The following FNDC3A variants were observed in gnomAD, a reference collection of about 807,000 sequenced individuals.
FNDC3A encodes the protein fibronectin type-III domain-containing protein 3A.
Under a neutral mutation model 148.9 loss-of-function variants are expected in FNDC3A, and 32 were observed. The ratio of observed to expected loss-of-function variants is 0.21; its 90% CI spans 0.16 to 0.29. The LOEUF is 0.29. FNDC3A is among the 10% of genes least tolerant of loss of function. The pLI is 1.00. For synonymous variants in FNDC3A, 472 were observed against 473.6 expected (o/e 1.00, Z 0.04); for missense variants, 1,191 against 1,452.8 (o/e 0.82, Z 2.93).
At chr13:48,982,891 A>G (rs1951720480) in intron 1 of FNDC3A, among the ~76,000 whole-genome samples, 1 of 152,222 alleles carries the variant, frequency 6.6e-6, no homozygotes, top group African/African-American at 2.4e-5. Context: ...TAGTAATAAT[A>G]GTAGCTATCT....
chr13:49,057,341 G>A (rs1328743627), intron 2 of FNDC3A, among the ~76,000 whole-genome samples: 1 of 152,150 alleles, frequency 6.6e-6, no homozygotes, highest in African/African-American at 2.4e-5. Flanking sequence ...ACATATTAAT[G>A]TAAACTCACT....
At chr13:49,043,245 G>T (rs188081991) in intron 2 of FNDC3A, among the ~76,000 whole-genome samples, 2 of 151,924 alleles carry the variant, frequency 1.3e-5, no homozygotes, top group Non-Finnish European at 2.9e-5. Flanking sequence ...AATTACAGGC[G>T]TGAGCCACTG....
intron 8 of FNDC3A, among the ~76,000 whole-genome samples, chr13:49,148,260 G>T: frequency 6.6e-6 from 1 of 151,938 alleles, no homozygotes; most frequent in African/African-American, 2.4e-5. Flanking sequence ...CCTGTGCTTT[G>T]GGGGTCTTAG....
At chr13:49,185,905 T>A in intron 14 of FNDC3A, 59 bp from the exon 15 acceptor site, 1 of 1,335,158 alleles carries the variant, frequency 7.5e-7, no homozygotes, top group South Asian at 1.3e-5. Flanking sequence ...CTTTGTTTAT[T>A]AAGCCAGTAT....
chr13:49,191,521 A>G, intron 19 of FNDC3A, 137 bp downstream of exon 19: 1 of 600,694 alleles, frequency 1.7e-6, no homozygotes, highest in Non-Finnish European at 2.8e-6. Context: ...ACAAGCCTAC[A>G]TTGATAAATA....
At chr13:49,030,364 G>T (rs556048595) in intron 2 of FNDC3A, among the ~76,000 whole-genome samples, 1 of 151,996 alleles carries the variant, frequency 6.6e-6, no homozygotes, top group East Asian at 1.9e-4. Context: ...AGAAGGGAAC[G>T]TCCTCAACCT....
intron 2 of FNDC3A, chr13:49,044,846 T>G: frequency 2.8e-6 from 1 of 357,784 alleles, no homozygotes; most frequent in East Asian, 8.5e-5. Flanking sequence ...CTACTGGGGT[T>G]TGTGCAAGGT....
At chr13:49,185,893 C>A in intron 14 of FNDC3A, 71 bp from the exon 15 acceptor site, 2 of 1,212,752 alleles carry the variant, frequency 1.6e-6, no homozygotes, top group Non-Finnish European at 2.4e-6. Flanking sequence ...TGTCTCCTAT[C>A]ACTTTGTTTA....
chr13:49,176,280 T>C (rs548576600), intron 13 of FNDC3A, among the ~76,000 whole-genome samples: 2 of 152,350 alleles, frequency 1.3e-5, no homozygotes, highest in East Asian at 3.9e-4. Context: ...AGCTCCTCTT[T>C]GTACCTCTGG....
chr13:49,124,231 T>G (rs936835938), intron 4 of FNDC3A, among the ~76,000 whole-genome samples: 9 of 152,056 alleles, frequency 5.9e-5, no homozygotes, highest in African/African-American at 2.2e-4. Flanking sequence ...CTCAGCAGAT[T>G]AACACAGGAA....
At chr13:49,194,924 T>G (rs1886076223) in intron 19 of FNDC3A, among the ~76,000 whole-genome samples, 2 of 152,182 alleles carry the variant, frequency 1.3e-5, no homozygotes. Flanking sequence ...ATCTTCTGTT[T>G]ATAAAATGCA....
intron 1 of FNDC3A, among the ~76,000 whole-genome samples, chr13:48,997,780 A>G (rs1182818195): frequency 6.6e-6 from 1 of 152,200 alleles, no homozygotes; most frequent in African/African-American, 2.4e-5. Context: ...GCCTAAGTTC[A>G]GTAAGACGGT....
intron 2 of FNDC3A, among the ~76,000 whole-genome samples, chr13:49,070,461 A>G (rs1164242617): frequency 6.6e-6 from 1 of 152,234 alleles, no homozygotes; most frequent in East Asian, 1.9e-4. Context: ...TAAGGTTTTT[A>G]ATGTATTTTT....
At chr13:49,158,129 G>A (rs918077368) in intron 8 of FNDC3A, among the ~76,000 whole-genome samples, 21 of 152,300 alleles carry the variant, frequency 1.4e-4, no homozygotes, top group Non-Finnish European at 1.9e-4. Context: ...CCTCGCTGTC[G>A]CCTTGCAGTT....
At chr13:49,067,130 T>G (rs915193517) in intron 2 of FNDC3A, among the ~76,000 whole-genome samples, 3 of 152,192 alleles carry the variant, frequency 2.0e-5, no homozygotes, top group African/African-American at 7.2e-5. Context: ...AATTGGCTAT[T>G]CTACTAAAAG....
intron 2 of FNDC3A, among the ~76,000 whole-genome samples, chr13:49,052,534 G>A (rs1181229658): frequency 1.3e-5 from 2 of 152,212 alleles, no homozygotes; most frequent in Admixed American, 1.3e-4. Context: ...TCCATCTTCA[G>A]ATCTTGCAGC....
At chr13:48,976,612 G>T (rs1319141092) in intron 1 of FNDC3A, 1 of 152,338 alleles carries the variant, frequency 6.6e-6, no homozygotes, top group Non-Finnish European at 1.5e-5. Context: ...GGGGGCTGGG[G>T]CGGAATCCTC....
chr13:49,165,142 A>G (rs533305083), intron 8 of FNDC3A, among the ~76,000 whole-genome samples: 122 of 152,234 alleles, frequency 8.0e-4, no homozygotes, highest in Non-Finnish European at 1.5e-3. Flanking sequence ...TCACTATTTC[A>G]AATTTATAAT....
intron 2 of FNDC3A, among the ~76,000 whole-genome samples, chr13:49,015,812 A>G (rs2137626011): frequency 6.6e-6 from 1 of 151,784 alleles, no homozygotes; most frequent in African/African-American, 2.4e-5. Context: ...TTTAGCATGA[A>G]GCGTTGTTGA....
Sources: gnomAD v4.1 joint callset for allele counts (sites outside exome capture counted in the v4.1 genomes callset) on GRCh38, gnomAD v4.1.1 for gene constraint, MANE v1.5 for transcripts, NCBI Gene and HGNC (gene_info 2026-07-23, HGNC 2026-07-21) for gene names.